Variants in ARMH4 observed in about 807,000 individuals in gnomAD.
ARMH4 encodes the protein armadillo-like helical domain-containing protein 4.
In ARMH4, 49 loss-of-function variants were observed where a neutral mutation model predicts 61.9. The observed-to-expected ratio is 0.79, with a 90% CI of 0.63 to 1.00. The LOEUF is 1.00. ARMH4 is among the 50% of genes least tolerant of loss of function. The pLI is 0.00. For synonymous variants in ARMH4, 368 were observed against 341.5 expected, an observed-to-expected ratio of 1.08 and a Z score of -0.85; for missense variants, 934 against 930.0, an observed-to-expected ratio of 1.00 and a Z score of -0.06.
chr14:58,027,236 G>T (rs939788361), intron 5 of ARMH4, among the ~76,000 whole-genome samples: 1 of 152,134 alleles, frequency 6.6e-6, no homozygotes, highest in Non-Finnish European at 1.5e-5. Flanking sequence ...TCTATTATAC[G>T]GCATAGTGCC....
chr14:58,098,106 A>G (rs1428279725), intron 4 of ARMH4, among the ~76,000 whole-genome samples: 1 of 152,120 alleles, frequency 6.6e-6, no homozygotes, highest in Non-Finnish European at 1.5e-5. Context: ...TTCTCCTCCT[A>G]TGGTGGAGAA....
chr14:58,124,426 G>A (rs1304669347), intron 4 of ARMH4, among the ~76,000 whole-genome samples: 5 of 152,270 alleles, frequency 3.3e-5, no homozygotes, highest in Middle Eastern at 3.4e-3. Flanking sequence ...GGGTAGTAGC[G>A]GCAGTAGCAG....
intron 5 of ARMH4, among the ~76,000 whole-genome samples, chr14:58,014,630 A>T (rs1882535254): frequency 1.3e-5 from 2 of 152,202 alleles, no homozygotes; most frequent in African/African-American, 4.8e-5. Flanking sequence ...AAATAGAAGC[A>T]AGATAATGTT....
At chr14:58,040,447 G>A (rs1883649707) in intron 5 of ARMH4, among the ~76,000 whole-genome samples, 1 of 152,136 alleles carries the variant, frequency 6.6e-6, no homozygotes, top group Non-Finnish European at 1.5e-5. Flanking sequence ...AGTTTGCTTA[G>A]GATAATGGCC....
chr14:58,138,190 G>A lies in ARMH4; in HGVS notation c.1169C>T (p.Pro390Leu), dbSNP rs201683646. Residue 390 changes from proline (P) to leucine (L), a missense_variant, in exon 2 of 8, where the codon CCT (proline) becomes CTT (leucine). Coordinates refer to ENST00000267485, the MANE Select transcript of ARMH4 (RefSeq NM_001001872.4). ...LLIAHGNERS[P>L]AFTDQSSFTP... Reference sequence around the variant, plus strand: ...AAAGGAACTTTGATCAGTGAAAGCAGGTGATCTCTCATTCCCATGCGCTAT... The same window carrying A: ...AAAGGAACTTTGATCAGTGAAAGCAAGTGATCTCTCATTCCCATGCGCTAT... The A allele has an allele frequency of 6.2e-7, 1 of 1,614,180 alleles. No homozygotes were observed. Among genetic ancestry groups the A allele is most frequent in the African/African-American group, 1.3e-5 (1 of 75,044 alleles).
intron 6 of ARMH4, among the ~76,000 whole-genome samples, chr14:58,008,216 G>T (rs887360113): frequency 6.6e-6 from 1 of 152,052 alleles, no homozygotes; most frequent in Non-Finnish European, 1.5e-5. Flanking sequence ...AGGGTAAACA[G>T]GCCACAACAC....
At chr14:58,148,395 C>T (rs1379430555) in intron 1 of ARMH4, among the ~76,000 whole-genome samples, 1 of 152,172 alleles carries the variant, frequency 6.6e-6, no homozygotes, top group Non-Finnish European at 1.5e-5. Flanking sequence ...TGGTTCCCTA[C>T]CCAGGTATCC....
At chr14:58,019,782 C>T (rs1417443486) in intron 5 of ARMH4, among the ~76,000 whole-genome samples, 1 of 151,954 alleles carries the variant, frequency 6.6e-6, no homozygotes, top group Non-Finnish European at 1.5e-5. Context: ...CAGAGTGAGA[C>T]TCTGTCTCAA....
intron 2 of ARMH4, among the ~76,000 whole-genome samples, chr14:58,136,058 T>A (rs1887292589): frequency 6.6e-6 from 1 of 152,184 alleles, no homozygotes; most frequent in East Asian, 1.9e-4. Flanking sequence ...ATTGGATAAC[T>A]CCAGTCTGAA....
At position 58,003,290 on chromosome 14, in the gene ARMH4, GCTGATTCT is replaced by G. The variant is rs1314321837; in HGVS notation, c.*1438_*1445del. ...TGGCTGGGTCCAAGTGGGTTCTCAC[GCTGATTCT>G]CTCTGGGTACAACTTTGGAAAATCA... On this transcript the variant is annotated 3_prime_UTR_variant, in exon 8 of 8. Transcript: ENST00000267485. 1.3e-5 allele frequency: 2 copies of G among 152,208 alleles called. No homozygotes were observed. Among genetic ancestry groups the G allele is most frequent in the African/African-American group, 4.8e-5 (2 of 41,436 alleles). The allele number at this position is 152,208 out of a possible 1,614,324, so 9.4% of individuals were successfully genotyped here.
At chr14:58,079,418 C>G (rs1385619816) in intron 5 of ARMH4, among the ~76,000 whole-genome samples, 1 of 152,156 alleles carries the variant, frequency 6.6e-6, no homozygotes, top group Non-Finnish European at 1.5e-5. Context: ...CAGGAGCCCA[C>G]CCCCAGATAA....
intron 1 of ARMH4, among the ~76,000 whole-genome samples, chr14:58,143,259 T>C (rs1040622422): frequency 1.3e-5 from 2 of 152,180 alleles, no homozygotes; most frequent in Non-Finnish European, 2.9e-5. Context: ...AATAGTGTCA[T>C]GTGCAGAAAA....
chr14:58,141,417 TG>T, intron 1 of ARMH4: 1 of 537,766 alleles, frequency 1.9e-6, no homozygotes. Flanking sequence ...TGATATTTGC[TG>T]GGAAACGGCT....
chr14:58,115,373 A>T (rs1886483823), intron 4 of ARMH4, among the ~76,000 whole-genome samples: 1 of 152,216 alleles, frequency 6.6e-6, no homozygotes. Context: ...CCACAATGAG[A>T]TGTCATCTCA....
chr14:58,073,853 G>A (rs1212146613), intron 5 of ARMH4, among the ~76,000 whole-genome samples: 1 of 152,168 alleles, frequency 6.6e-6, no homozygotes, highest in East Asian at 1.9e-4. Context: ...ACAGTAAATG[G>A]TAACACTAAT....
At chr14:58,048,964 A>G (rs947156231) in intron 5 of ARMH4, among the ~76,000 whole-genome samples, 10 of 152,180 alleles carry the variant, frequency 6.6e-5, no homozygotes, top group African/African-American at 9.6e-5. Context: ...CTGGCTGGGC[A>G]CCGTGGCTCA....
At chr14:58,088,764 T>C (rs958633845) in intron 5 of ARMH4, among the ~76,000 whole-genome samples, 3 of 152,318 alleles carry the variant, frequency 2.0e-5, no homozygotes, top group Admixed American at 1.3e-4. Context: ...CTTTGTTTGA[T>C]CTCTATATGA....
chr14:58,093,981 A>T (rs536498688), intron 5 of ARMH4, among the ~76,000 whole-genome samples: 1 of 152,360 alleles, frequency 6.6e-6, no homozygotes, highest in East Asian at 1.9e-4. Context: ...CAGGATCTGG[A>T]GAAGTCATTT....
chr14:58,091,374 T>C, intron 5 of ARMH4, among the ~76,000 whole-genome samples: 1 of 152,058 alleles, frequency 6.6e-6, no homozygotes, highest in South Asian at 2.1e-4. Context: ...TAGAGCAAAA[T>C]GGGAAAAACT....
Sources: gnomAD v4.1 joint callset for allele counts (sites outside exome capture counted in the v4.1 genomes callset) on GRCh38, gnomAD v4.1.1 for gene constraint, MANE v1.5 for transcripts, NCBI Gene and HGNC (gene_info 2026-07-23, HGNC 2026-07-21) for gene names.